The following APIP variants were observed in gnomAD, a reference collection of about 807,000 sequenced individuals.
The protein encoded by APIP is methylthioribulose-1-phosphate dehydratase.
APIP carries 32 observed loss-of-function variants against 32.0 expected under a neutral mutation model. The ratio of observed to expected loss-of-function variants is 1.00; its 90% CI spans 0.76 to 1.34. The LOEUF (loss-of-function observed/expected upper bound fraction) is 1.34. APIP is among the 40% of genes most tolerant of loss of function. The pLI, the probability that APIP is intolerant of heterozygous loss-of-function variation, is 0.00. For missense variants in APIP, 247 were observed against 298.6 expected (o/e 0.83, Z 1.27); for synonymous variants, 92 against 94.8 (o/e 0.97, Z 0.17).
chr11:34,902,788 C>T (rs983608808), intron 1 of APIP, among the ~76,000 whole-genome samples: 1 of 152,174 alleles, frequency 6.6e-6, no homozygotes, highest in Admixed American at 6.5e-5. Context: ...GGCCTTCAAT[C>T]TGTATGTGTC....
chr11:34,901,871 C>T (rs1366947149), intron 1 of APIP, among the ~76,000 whole-genome samples: 2 of 152,128 alleles, frequency 1.3e-5, no homozygotes, highest in Non-Finnish European at 1.5e-5. Context: ...CTTTTCCTAA[C>T]CAGAGACAGT....
chr11:34,904,778 C>T (rs186254914), intron 1 of APIP, among the ~76,000 whole-genome samples: 5 of 152,270 alleles, frequency 3.3e-5, no homozygotes, highest in South Asian at 2.1e-4. Context: ...TTACAGGAAT[C>T]GACTCCTGGA....
intron 1 of APIP, among the ~76,000 whole-genome samples, chr11:34,908,048 T>C (rs1853485786): frequency 6.6e-6 from 1 of 152,184 alleles, no homozygotes; most frequent in Non-Finnish European, 1.5e-5. Flanking sequence ...TAAAATAACA[T>C]GCATGAGATT....
At chr11:34,906,166 C>CTT (rs200254087) in intron 1 of APIP, among the ~76,000 whole-genome samples, 1 of 149,338 alleles carries the variant, frequency 6.7e-6, no homozygotes, top group Non-Finnish European at 1.5e-5. Context: ...AACAGGGCTA[C>CTT]TTTTTTTTTT....
At chr11:34,910,890 A>G (rs576059237) in intron 1 of APIP, among the ~76,000 whole-genome samples, 1 of 152,252 alleles carries the variant, frequency 6.6e-6, no homozygotes, top group South Asian at 2.1e-4. Flanking sequence ...GGAAAGAGGA[A>G]GACATTAAGA....
At chr11:34,908,235 C>A (rs1379198794) in intron 1 of APIP, among the ~76,000 whole-genome samples, 1 of 152,190 alleles carries the variant, frequency 6.6e-6, no homozygotes, top group African/African-American at 2.4e-5. Context: ...CCATGAACAA[C>A]AATCACCTGC....
At chr11:34,913,822 T>G (rs7121117) in intron 1 of APIP, among the ~76,000 whole-genome samples, 28,755 of 152,050 alleles carry the variant, frequency 0.19, 3,887 homozygotes, top group African/African-American at 0.39. Flanking sequence ...AGAGCGCCGA[T>G]TGGTGCATTT....
intron 5 of APIP, 36 bp downstream of exon 5, chr11:34,888,257 T>G: frequency 6.7e-7 from 1 of 1,499,060 alleles, no homozygotes; most frequent in Non-Finnish European, 8.9e-7. Context: ...GGAAGAATTC[T>G]TTTCAAATTA....
chr11:34,884,887 A>C (rs975057826), intron 5 of APIP, among the ~76,000 whole-genome samples: 1 of 151,978 alleles, frequency 6.6e-6, no homozygotes, highest in African/African-American at 2.4e-5. Context: ...CAAAGTAAGA[A>C]CTGAAAGCGA....
At chr11:34,906,406 G>A (rs1853456910) in intron 1 of APIP, among the ~76,000 whole-genome samples, 1 of 152,164 alleles carries the variant, frequency 6.6e-6, no homozygotes, top group African/African-American at 2.4e-5. Flanking sequence ...GAGCAGACTG[G>A]GGAGGGCATG....
At chr11:34,894,467 C>CAAAA (rs57079015) in intron 2 of APIP, among the ~76,000 whole-genome samples, 967 of 85,436 alleles carry the variant, frequency 0.011, 16 homozygotes, top group Non-Finnish European at 0.016. Context: ...CCAGTCTCTA[C>CAAAA]AAAAAAAAAA....
intron 2 of APIP, among the ~76,000 whole-genome samples, chr11:34,894,020 T>C (rs1360495147): frequency 1.3e-5 from 2 of 152,104 alleles, no homozygotes; most frequent in Non-Finnish European, 2.9e-5. Flanking sequence ...CCTAACACAT[T>C]TCAGGAGGAA....
intron 1 of APIP, among the ~76,000 whole-genome samples, chr11:34,912,944 C>T (rs918324456): frequency 2.6e-5 from 4 of 152,322 alleles, no homozygotes; most frequent in African/African-American, 9.6e-5. Flanking sequence ...CCACAACACA[C>T]CCATCATAAA....
At chr11:34,884,183 C>A (rs1423868178) in intron 5 of APIP, among the ~76,000 whole-genome samples, 2 of 152,168 alleles carry the variant, frequency 1.3e-5, no homozygotes, top group African/African-American at 2.4e-5. Context: ...CTTGCAAAAA[C>A]TCAGATAAGC....
intron 2 of APIP, among the ~76,000 whole-genome samples, chr11:34,892,398 T>C (rs2133908907): frequency 1.3e-5 from 2 of 152,336 alleles, no homozygotes; most frequent in Middle Eastern, 6.8e-3. Context: ...AATACATCTA[T>C]GTTCAGTTGC....
Position 34,885,634 on chromosome 11 carries a change from T to A in APIP, c.462-2130A>T, listed in dbSNP as rs535825222. 3.9e-5 allele frequency among the ~76,000 whole-genome samples: 6 copies of A among 152,242 alleles called. No homozygotes were observed. In the South Asian group the frequency reaches 1.2e-3, roughly 32 times the overall value. ...TTCACAGCAGGCTTGCAAGACTGCATCCTTTGAACAATAGGCTCTAGATTT... is the reference window on the plus strand; with the variant it reads ...TTCACAGCAGGCTTGCAAGACTGCAACCTTTGAACAATAGGCTCTAGATTT... On this transcript the variant is annotated intron_variant, in intron 5 of 6. Transcript: ENST00000395787.
chr11:34,887,768 G>A (rs1036596631), intron 5 of APIP, among the ~76,000 whole-genome samples: 3 of 151,968 alleles, frequency 2.0e-5, no homozygotes, highest in Non-Finnish European at 4.4e-5. Flanking sequence ...GTGGACTGAT[G>A]AATTTATTTA....
chr11:34,888,265 T>C (rs751245540), intron 5 of APIP, 28 bp downstream of exon 5: 2 of 1,494,894 alleles, frequency 1.3e-6, no homozygotes, highest in South Asian at 2.5e-5. Context: ...TCTTTTCAAA[T>C]TATTTAAGAA....
chr11:34,900,241 A>T (rs1431477832), intron 1 of APIP, among the ~76,000 whole-genome samples: 9 of 152,230 alleles, frequency 5.9e-5, no homozygotes, highest in Admixed American at 5.9e-4. Context: ...ATGGCAGGCA[A>T]GCCCATAGGC....
Sources: gnomAD v4.1 joint callset for allele counts (sites outside exome capture counted in the v4.1 genomes callset) on GRCh38, gnomAD v4.1.1 for gene constraint, MANE v1.5 for transcripts, NCBI Gene and HGNC (gene_info 2026-07-23, HGNC 2026-07-21) for gene names.